The following ABCA13 variants were observed in gnomAD, a reference collection of about 807,000 sequenced individuals.
The protein encoded by ABCA13 is ATP binding cassette subfamily A member 13.
Under a neutral mutation model 478.7 loss-of-function variants are expected in ABCA13, and 476 were observed. That is an observed-to-expected ratio of 0.99 (90% confidence interval 0.92 to 1.07). The LOEUF (loss-of-function observed/expected upper bound fraction) is 1.07. Among genes scored for constraint, ABCA13 ranks in the 50% least tolerant of loss-of-function variants. The pLI, the probability that ABCA13 is intolerant of heterozygous loss-of-function variation, is 0.00. For synonymous variants in ABCA13, 2,252 were observed against 2,158.9 expected (o/e 1.04, Z -1.20); for missense variants, 6,060 against 5,910.6 (o/e 1.03, Z -0.83).
rs894052070 is a variant in ABCA13 at position 48,565,478 on chromosome 7, C to G, written c.14355-14746C>G. ...GATGTTTAAATACCAATCTGAAATA[C>G]CCGAGAGAACTTCAACTTGTATTAG... On this transcript the variant is annotated intron_variant, in intron 55 of 61. Transcript: ENST00000435803. Among the ~76,000 whole-genome samples the G allele has an allele frequency of 3.9e-5, 6 of 151,960 alleles. No individual in the cohort carries two copies. The South Asian group carries it at 6.2e-4, about 16-fold the overall frequency.
intron 48 of ABCA13, among the ~76,000 whole-genome samples, chr7:48,504,325 G>A (rs1269731706): frequency 1.3e-5 from 2 of 152,112 alleles, no homozygotes; most frequent in African/African-American, 2.4e-5. Context: ...TAGGCTTTCT[G>A]GGTGAGGGAT....
chr7:48,632,486 C>A (rs925825240), intron 59 of ABCA13, among the ~76,000 whole-genome samples: 12 of 152,060 alleles, frequency 7.9e-5, no homozygotes, highest in Admixed American at 7.9e-4. Context: ...GGATTCATTG[C>A]CAAATCCGAG....
At chr7:48,223,518 G>A (rs1787673987) in intron 5 of ABCA13, among the ~76,000 whole-genome samples, 1 of 152,128 alleles carries the variant, frequency 6.6e-6, no homozygotes, top group Non-Finnish European at 1.5e-5. Context: ...ATGATCCATT[G>A]TCTCAAGTGT....
At chr7:48,373,274 A>G (rs889825515) in intron 33 of ABCA13, among the ~76,000 whole-genome samples, 2 of 152,168 alleles carry the variant, frequency 1.3e-5, no homozygotes, top group Admixed American at 6.5e-5. Context: ...GCTCAGGGGT[A>G]TTTAAAGGCC....
intron 57 of ABCA13, among the ~76,000 whole-genome samples, chr7:48,592,386 A>G (rs1359487114): frequency 6.6e-6 from 1 of 151,908 alleles, no homozygotes; most frequent in Non-Finnish European, 1.5e-5. Context: ...TGTGAATTTT[A>G]CAGTTTTCCT....
intron 48 of ABCA13, among the ~76,000 whole-genome samples, chr7:48,494,035 A>C (rs1830060217): frequency 6.6e-6 from 1 of 152,146 alleles, no homozygotes; most frequent in Admixed American, 6.5e-5. Flanking sequence ...GTGTCAGGGG[A>C]GGACTGTTCT....
intron 48 of ABCA13, among the ~76,000 whole-genome samples, chr7:48,499,716 C>T (rs565827408): frequency 3.3e-5 from 5 of 152,220 alleles, no homozygotes; most frequent in Non-Finnish European, 5.9e-5. Flanking sequence ...CATTTTGAAA[C>T]GTCATTTCTG....
intron 58 of ABCA13, among the ~76,000 whole-genome samples, chr7:48,595,584 G>T (rs1406678123): frequency 6.6e-6 from 1 of 152,204 alleles, no homozygotes; most frequent in African/African-American, 2.4e-5. Flanking sequence ...CTGGGTCGGA[G>T]ATGAAAGACT....
At position 48,171,493 on chromosome 7, in the gene ABCA13, G is replaced by A. The variant is rs144916268; in HGVS notation, c.10G>A (p.Ala4Thr). MGH[A>T]GCQFKALLWK... is the part of the protein sequence containing the mutation. ...GCAGGGAGCAGCAGGCATGGGGCAT[G>A]CCGGGTGCCAGTTCAAAGCCCTGCT... The change falls in exon 1 of 62, where the codon GCC (alanine) becomes ACC (threonine). Residue 4 changes from alanine (A) to threonine (T), a missense_variant. By Grantham distance (58) the Ala-to-Thr change is moderately conservative (BLOSUM62 0). Transcript: ENST00000435803. 3.1e-4 allele frequency: 475 copies of A among 1,536,154 alleles called. 1 individual carries two copies. The highest frequency in any genetic ancestry group is 4.0e-4 in the Non-Finnish European group (455 of 1,146,892).
rs182208050 is a variant in ABCA13 at position 48,192,521 on chromosome 7, A to C, written c.70-438A>C. Among the ~76,000 whole-genome samples the C allele has an allele frequency of 3.5e-4, 54 of 152,358 alleles. No individual in the cohort carries two copies. In the East Asian group the frequency reaches 9.6e-3, roughly 27 times the overall value. On this transcript the variant is annotated intron_variant, in intron 1 of 61. Transcript: ENST00000435803. Reference sequence around the variant, plus strand: ...TTATAAATCTTGTTTGGCAATATTGAAAAATATGCATAAAATGAAGGTAAA... The same window carrying C: ...TTATAAATCTTGTTTGGCAATATTGCAAAATATGCATAAAATGAAGGTAAA...
chr7:48,372,326 C>G lies in ABCA13; in HGVS notation c.10962C>G (p.Leu3654=). The G allele has an allele frequency of 2.5e-6, 4 of 1,613,860 alleles. No homozygotes were observed. Among genetic ancestry groups the G allele is most frequent in the Non-Finnish European group, 3.4e-6 (4 of 1,179,836 alleles). ...HSNTFIVFLF[L]LDFGMSVVML... is the part of the protein sequence containing the mutation. Reference sequence around the variant, plus strand: ...ATACCTTTATTGTTTTCCTCTTTCTCTTGGATTTTGGGATGTCAGTCGTCA... The same window carrying G: ...ATACCTTTATTGTTTTCCTCTTTCTGTTGGATTTTGGGATGTCAGTCGTCA... The change falls in exon 33 of 62, where the codon CTC becomes CTG. Residue 3654 remains leucine (L), a synonymous_variant. Coordinates refer to ENST00000435803, the MANE Select transcript of ABCA13 (RefSeq NM_152701.5).
At chr7:48,599,264 T>G (rs2131467652) in intron 58 of ABCA13, among the ~76,000 whole-genome samples, 1 of 152,194 alleles carries the variant, frequency 6.6e-6, no homozygotes, top group South Asian at 2.1e-4. Context: ...TTTTTTTCTG[T>G]TATTCATCTC....
chr7:48,273,195 C>T lies in ABCA13; in HGVS notation c.3529C>T (p.His1177Tyr). 2.5e-6 allele frequency: 4 copies of T among 1,613,658 alleles called. No homozygotes were observed. The highest frequency in any genetic ancestry group is 3.4e-6 in the Non-Finnish European group (4 of 1,179,752). Residue 1177 changes from histidine to tyrosine, a missense_variant, in exon 17 of 62, where the codon CAT becomes TAT. His to Tyr is a moderately conservative substitution (Grantham distance 83). Transcript: ENST00000435803. ...CATGAATGTTTTCACATCTCTTCAT[C>T]ATGGTTTCACTCAGCTTTTGGATGA... ...FDMNVFTSLH[H>Y]GFTQLLDELE...
At chr7:48,380,564 A>G (rs533846474) in intron 35 of ABCA13, among the ~76,000 whole-genome samples, 6 of 152,316 alleles carry the variant, frequency 3.9e-5, no homozygotes, top group African/African-American at 1.4e-4. Flanking sequence ...AACACTTTGC[A>G]TTTGCACGGC....
chr7:48,250,642 C>A lies in ABCA13; in HGVS notation c.2005+1291C>A, dbSNP rs940376251. Reference sequence around the variant, plus strand: ...GGCTCACCTCTTTCCTTATCAGCTTCATAAAACCAAAAATTCCCTAAAATA... The same window carrying A: ...GGCTCACCTCTTTCCTTATCAGCTTAATAAAACCAAAAATTCCCTAAAATA... On this transcript the variant is annotated intron_variant, in intron 15 of 61. Transcript: ENST00000435803. Among the ~76,000 whole-genome samples, 3 of 152,190 alleles carry A rather than the reference C, an allele frequency of 2.0e-5. No homozygotes were observed. In the East Asian group the frequency reaches 5.8e-4, roughly 29 times the overall value.
At chr7:48,292,687 C>T (rs2128816764) in intron 20 of ABCA13, among the ~76,000 whole-genome samples, 1 of 152,272 alleles carries the variant, frequency 6.6e-6, no homozygotes, top group East Asian at 1.9e-4. Flanking sequence ...AGTGTGCTTC[C>T]CTAATGATGA....
At chr7:48,523,186 C>T (rs762625810) in intron 53 of ABCA13, among the ~76,000 whole-genome samples, 3 of 151,932 alleles carry the variant, frequency 2.0e-5, no homozygotes, top group Admixed American at 6.6e-5. Context: ...TGCCTTTGAA[C>T]GTTATATAAA....
chr7:48,290,231 A>G (rs2128809631), intron 20 of ABCA13, among the ~76,000 whole-genome samples: 2 of 152,308 alleles, frequency 1.3e-5, no homozygotes, highest in South Asian at 2.1e-4. Flanking sequence ...TGCCCACTGT[A>G]TTTCCTGGGC....
intron 20 of ABCA13, among the ~76,000 whole-genome samples, chr7:48,290,154 C>CAAAT (rs370801891): frequency 5.2e-4 from 79 of 152,226 alleles, no homozygotes; most frequent in African/African-American, 1.9e-3. Context: ...CCCTTTGTTC[C>CAAAT]AAATAGTAGA....
Sources: allele counts gnomAD v4.1 joint callset (sites outside exome capture counted in the v4.1 genomes callset), GRCh38; gene constraint gnomAD v4.1.1; transcripts MANE v1.5; gene names NCBI Gene and HGNC (gene_info 2026-07-23, HGNC 2026-07-21).